Variants in MAPKAP1 observed in about 807,000 individuals in gnomAD.
MAPKAP1 encodes the protein target of rapamycin complex 2 subunit MAPKAP1.
A neutral mutation model predicts 65.7 loss-of-function variants in MAPKAP1; 20 were observed. The ratio of observed to expected loss-of-function variants is 0.30; its 90% CI spans 0.21 to 0.44. The LOEUF is 0.44. MAPKAP1 is among the 20% of genes least tolerant of loss of function. The pLI is 1.00. For missense variants in MAPKAP1, 423 were observed against 648.0 expected (o/e 0.65, Z 3.77); for synonymous variants, 222 against 244.3 (o/e 0.91, Z 0.85).
At chr9:125,477,648 G>T (rs144356500) in intron 9 of MAPKAP1, among the ~76,000 whole-genome samples, 3,554 of 152,290 alleles carry the variant, frequency 0.023, 62 homozygotes, top group South Asian at 0.057. Flanking sequence ...TCCTTTGGCT[G>T]GTGCATTGTA....
intron 8 of MAPKAP1, among the ~76,000 whole-genome samples, chr9:125,488,707 G>A (rs1854586842): frequency 6.6e-6 from 1 of 152,182 alleles, no homozygotes; most frequent in Non-Finnish European, 1.5e-5. Context: ...CATGTCTATT[G>A]TATATGCAAT....
intron 6 of MAPKAP1, among the ~76,000 whole-genome samples, chr9:125,545,417 C>T (rs1004398992): frequency 3.9e-5 from 6 of 152,146 alleles, no homozygotes; most frequent in Non-Finnish European, 8.8e-5. Flanking sequence ...GCTTTCTCCT[C>T]AGAAGTCAGT....
intron 3 of MAPKAP1, among the ~76,000 whole-genome samples, chr9:125,665,967 C>CTAGA (rs1296839793): frequency 6.6e-6 from 1 of 152,086 alleles, no homozygotes; most frequent in South Asian, 2.1e-4. Context: ...TGTAGTCCTC[C>CTAGA]TAGAGCTCAG....
At chr9:125,570,943 G>T (rs2131538030) in intron 5 of MAPKAP1, among the ~76,000 whole-genome samples, 1 of 151,898 alleles carries the variant, frequency 6.6e-6, no homozygotes, top group Non-Finnish European at 1.5e-5. Context: ...AATGTAAAGG[G>T]TTATAAAGGT....
chr9:125,601,694 G>A (rs1409191820), intron 4 of MAPKAP1, among the ~76,000 whole-genome samples: 1 of 152,134 alleles, frequency 6.6e-6, no homozygotes, highest in Non-Finnish European at 1.5e-5. Flanking sequence ...AGTCCCTGAC[G>A]CACCTCCTAG....
intron 1 of MAPKAP1, among the ~76,000 whole-genome samples, chr9:125,694,081 C>A (rs1220816765): frequency 6.6e-6 from 1 of 151,916 alleles, no homozygotes; most frequent in Non-Finnish European, 1.5e-5. Flanking sequence ...GTAATCCCAG[C>A]ACTTTGGGAG....
chr9:125,597,761 G>A (rs1375304336), intron 4 of MAPKAP1, among the ~76,000 whole-genome samples: 2 of 152,186 alleles, frequency 1.3e-5, no homozygotes, highest in Non-Finnish European at 2.9e-5. Flanking sequence ...ATGTAATGAT[G>A]CAAATTGATA....
chr9:125,562,660 C>A (rs1435362070), intron 5 of MAPKAP1, among the ~76,000 whole-genome samples: 1 of 152,170 alleles, frequency 6.6e-6, no homozygotes, highest in Non-Finnish European at 1.5e-5. Context: ...TAGTACAATA[C>A]CAGCAGTATC....
intron 7 of MAPKAP1, among the ~76,000 whole-genome samples, chr9:125,540,156 A>T (rs1221150122): frequency 1.3e-5 from 2 of 152,234 alleles, no homozygotes; most frequent in African/African-American, 2.4e-5. Context: ...AAAGCTATTT[A>T]CCTAAACAAA....
chr9:125,627,258 A>G (rs192464128), intron 4 of MAPKAP1, among the ~76,000 whole-genome samples: 6 of 152,302 alleles, frequency 3.9e-5, no homozygotes, highest in Non-Finnish European at 7.4e-5. Flanking sequence ...ACACTACCCC[A>G]AAGATGATAC....
chr9:125,445,749 C>T (rs912445715), intron 10 of MAPKAP1, among the ~76,000 whole-genome samples: 16 of 152,252 alleles, frequency 1.1e-4, no homozygotes, highest in African/African-American at 3.1e-4. Context: ...GCTGCCCCGG[C>T]CTATCGGCAC....
intron 11 of MAPKAP1, among the ~76,000 whole-genome samples, chr9:125,440,644 C>T (rs1182104859): frequency 6.6e-6 from 1 of 152,134 alleles, no homozygotes; most frequent in Non-Finnish European, 1.5e-5. Context: ...CAACACTGTC[C>T]CTCCCAACTT....
intron 4 of MAPKAP1, among the ~76,000 whole-genome samples, chr9:125,591,734 T>C (rs1318574881): frequency 6.6e-6 from 1 of 152,140 alleles, no homozygotes; most frequent in South Asian, 2.1e-4. Context: ...AGTCCCTAAG[T>C]TGCAATATTT....
At chr9:125,586,157 G>A (rs771160656) in intron 4 of MAPKAP1, among the ~76,000 whole-genome samples, 10 of 152,124 alleles carry the variant, frequency 6.6e-5, no homozygotes, top group South Asian at 6.2e-4. Context: ...ATTTAGGCCC[G>A]CAGCACTGAA....
In MAPKAP1 at chr9:125,627,257, C is replaced by T. The variant is rs188335548; in HGVS notation, c.498+30394G>A. 6.8e-4 allele frequency among the ~76,000 whole-genome samples: 104 copies of T among 152,284 alleles called. 1 individual carries two copies. Among genetic ancestry groups the T allele is most frequent in the South Asian group, 1.2e-3 (6 of 4,830 alleles). The stretch of plus-strand genomic sequence containing the variant: ...TAACTTAAAAAATTTCACACTACCC[C>T]AAAGATGATACACACCCTCCCCACT... On this transcript the variant is annotated intron_variant, in intron 4 of 11. Coordinates refer to ENST00000265960, the MANE Select transcript of MAPKAP1 (RefSeq NM_001006617.3).
intron 4 of MAPKAP1, among the ~76,000 whole-genome samples, chr9:125,586,424 T>G (rs1831786906): frequency 6.6e-6 from 1 of 152,016 alleles, no homozygotes; most frequent in South Asian, 2.1e-4. Flanking sequence ...TAAAACGATT[T>G]CCTCTACCTC....
intron 7 of MAPKAP1, among the ~76,000 whole-genome samples, chr9:125,537,082 A>G (rs1480119857): frequency 6.6e-6 from 1 of 152,194 alleles, no homozygotes; most frequent in Non-Finnish European, 1.5e-5. Flanking sequence ...TTCTCCCATT[A>G]GGGTTCTAAT....
intron 1 of MAPKAP1, among the ~76,000 whole-genome samples, chr9:125,675,985 A>T (rs1435273206): frequency 1.3e-5 from 2 of 152,222 alleles, no homozygotes; most frequent in Non-Finnish European, 2.9e-5. Flanking sequence ...AAAATCTCCC[A>T]AAGAGCAGCA....
chr9:125,524,506 T>C (rs778530304), intron 7 of MAPKAP1, among the ~76,000 whole-genome samples: 2 of 152,248 alleles, frequency 1.3e-5, no homozygotes, highest in African/African-American at 2.4e-5. Context: ...CTGAATTATA[T>C]ATCCTGTTTT....
Sources: gnomAD v4.1 joint callset for allele counts (sites outside exome capture counted in the v4.1 genomes callset) on GRCh38, gnomAD v4.1.1 for gene constraint, MANE v1.5 for transcripts, NCBI Gene and HGNC (gene_info 2026-07-23, HGNC 2026-07-21) for gene names.